The following ARL17B variants were observed in gnomAD, a reference collection of about 807,000 sequenced individuals.
ARL17B encodes the protein ADP-ribosylation factor-like protein 17.
chr17:46,280,732 C>A (rs75098428), intron 4 of ARL17B, among the ~76,000 whole-genome samples: 16,331 of 151,696 alleles, frequency 0.11, 844 homozygotes, highest in East Asian at 0.27. Context: ...CGCCACTATG[C>A]CCGCCTAAGT....
intron 4 of ARL17B, among the ~76,000 whole-genome samples, chr17:46,276,298 C>G (rs560085624): frequency 2.0e-5 from 3 of 152,312 alleles, no homozygotes; most frequent in Admixed American, 1.3e-4. Context: ...CAGATAAATA[C>G]AGTATTCCAA....
At chr17:46,324,677 G>GAT (rs1165300479) in intron 3 of ARL17B, among the ~76,000 whole-genome samples, 1 of 6,370 alleles carries the variant, frequency 1.6e-4, no homozygotes, top group Non-Finnish European at 4.7e-3. Context: ...TATAGATATA[G>GAT]ATATATATAT....
chr17:46,339,988 C>T lies in ARL17B; in HGVS notation c.260-214G>A, dbSNP rs1178004871. On this transcript the variant is annotated intron_variant, in intron 3 of 3. Transcript: ENST00000450673. ...GGTGGAGACCTAGCTAAGTCAGAGG[C>T]CTGGAGAGGTGTCACTGGCTGGGCA... Among the ~76,000 whole-genome samples the T allele has an allele frequency of 1.3e-3, 75 of 55,834 alleles. 2 individuals carry two copies. Among genetic ancestry groups the T allele is most frequent in the African/African-American group, 5.2e-3 (73 of 13,984 alleles). 36.6% of individuals were successfully genotyped at this position (55,834 alleles called of 152,430 possible).
chr17:46,275,361 G>A lies in ARL17B; in HGVS notation c.*79C>T, dbSNP rs1042106789. The A allele has an allele frequency of 1.4e-5, 14 of 989,708 alleles. No individual in the cohort carries two copies. The African/African-American group carries it at 2.5e-4, about 17-fold the overall frequency. The allele number at this position is 989,708 out of a possible 1,614,324, so 61.3% of individuals were successfully genotyped here. A position where few individuals can be genotyped will look rare whatever the true frequency, so the allele number is the denominator to read the frequency against. On this transcript the variant is annotated 3_prime_UTR_variant, in exon 5 of 5. Transcript: ENST00000570618. ...CAACAAGATTCTTGCTGTGTTTTATGTTAGGTTAACATGCTGAACTTTAGG... is the reference window on the plus strand; with the variant it reads ...CAACAAGATTCTTGCTGTGTTTTATATTAGGTTAACATGCTGAACTTTAGG...
intron 4 of ARL17B, chr17:46,275,470 G>T (rs1438024219): frequency 1.3e-5 from 10 of 751,280 alleles, no homozygotes; most frequent in Non-Finnish European, 2.0e-5. Context: ...TTTTGAAAAT[G>T]ATGCTTTATG....
At chr17:46,291,324 T>G (rs2050060578) in intron 4 of ARL17B, among the ~76,000 whole-genome samples, 1 of 152,182 alleles carries the variant, frequency 6.6e-6, no homozygotes, top group Non-Finnish European at 1.5e-5. Flanking sequence ...GACATAGTCA[T>G]GCTTAAATAA....
intron 4 of ARL17B, among the ~76,000 whole-genome samples, chr17:46,291,170 C>T (rs1157332155): frequency 6.6e-6 from 1 of 152,232 alleles, no homozygotes; most frequent in Non-Finnish European, 1.5e-5. Flanking sequence ...CCTTGAGTTT[C>T]ATTTCCTAGT....
At chr17:46,317,158 G>A (rs2051192485) in intron 3 of ARL17B, among the ~76,000 whole-genome samples, 2 of 90,386 alleles carry the variant, frequency 2.2e-5, no homozygotes, top group Admixed American at 1.1e-4. Context: ...CGGCCGGGCA[G>A]AGGCGCTCCT....
intron 4 of ARL17B, among the ~76,000 whole-genome samples, chr17:46,275,701 A>C (rs1163567606): frequency 6.6e-6 from 1 of 152,250 alleles, no homozygotes; most frequent in Non-Finnish European, 1.5e-5. Context: ...CAACTGGACA[A>C]ATAGAGACAT....
intron 4 of ARL17B, chr17:46,275,501 T>A (rs2049560979): frequency 1.6e-6 from 1 of 637,296 alleles, no homozygotes; most frequent in African/African-American, 2.0e-5. Context: ...AGTAAATAAA[T>A]CTGGAAGAAG....
chr17:46,314,650 AAAC>A (rs1207100633), intron 3 of ARL17B, among the ~76,000 whole-genome samples: 3 of 73,576 alleles, frequency 4.1e-5, no homozygotes, highest in Admixed American at 2.9e-4. Context: ...TCACTCAAAA[AAAC>A]AACAATTGTA....
At chr17:46,281,691 T>C (rs1178002949) in intron 4 of ARL17B, among the ~76,000 whole-genome samples, 1 of 152,238 alleles carries the variant, frequency 6.6e-6, no homozygotes, top group Non-Finnish European at 1.5e-5. Flanking sequence ...TCACCCAGGC[T>C]GGAGTGCAGT....
intron 4 of ARL17B, among the ~76,000 whole-genome samples, chr17:46,280,065 C>G (rs879453886): frequency 0.11 from 16,783 of 149,336 alleles, no homozygotes; most frequent in Non-Finnish European, 0.17. Context: ...CTCTTGTTTT[C>G]TGAACCCAAA....
downstream of ARL17B, chr17:46,331,113 T>C (rs746787835): frequency 1.4e-6 from 1 of 722,620 alleles, no homozygotes; most frequent in East Asian, 2.6e-5. Flanking sequence ...ACCCACGCTA[T>C]TTCCATTTTA....
downstream of ARL17B, among the ~76,000 whole-genome samples, chr17:46,333,237 G>A (rs1395950626): frequency 4.7e-5 from 3 of 64,264 alleles, no homozygotes; most frequent in African/African-American, 6.4e-5. Flanking sequence ...GAGGAGGAAC[G>A]TCTCATACTC....
chr17:46,278,427 T>TG (rs2049659414), intron 4 of ARL17B, among the ~76,000 whole-genome samples: 1 of 151,372 alleles, frequency 6.6e-6, no homozygotes, highest in Non-Finnish European at 1.5e-5. Flanking sequence ...TGTTTTAAGA[T>TG]GGAGTCTTGC....
chr17:46,287,916 G>A (rs1457687002), intron 4 of ARL17B, among the ~76,000 whole-genome samples: 1 of 152,258 alleles, frequency 6.6e-6, no homozygotes, highest in Non-Finnish European at 1.5e-5. Flanking sequence ...TATACAGTGT[G>A]TCTACAAGTG....
intron 4 of ARL17B, among the ~76,000 whole-genome samples, chr17:46,277,722 C>T (rs1185092055): frequency 6.6e-6 from 1 of 151,882 alleles, no homozygotes; most frequent in Non-Finnish European, 1.5e-5. Flanking sequence ...TCTCAGCTCA[C>T]TGCAACCTCC....
rs555499905 is a variant in ARL17B, at chr17:46,291,715, G to A, written c.*21+7811C>T. Among the ~76,000 whole-genome samples the A allele has an allele frequency of 1.2e-4, 18 of 152,132 alleles. No homozygotes were observed. In the East Asian group the frequency reaches 1.9e-3, roughly 16 times the overall value. ...GAAGGAGGATCACTTGCTTGAGCCC[G>A]GGAGTTTGAGACCAGCCTGGGCAAC... On this transcript the variant is annotated intron_variant, in intron 4 of 4. Transcript: ENST00000570618.
Sources: allele counts gnomAD v4.1 joint callset (sites outside exome capture counted in the v4.1 genomes callset), GRCh38; gene constraint gnomAD v4.1.1; transcripts MANE v1.5; gene names NCBI Gene and HGNC (gene_info 2026-07-23, HGNC 2026-07-21).